The following AK5 variants were observed in gnomAD, a reference collection of about 807,000 sequenced individuals.
The protein encoded by AK5 is adenylate kinase 5.
Under a neutral mutation model 69.5 loss-of-function variants are expected in AK5, and 27 were observed. The ratio of observed to expected loss-of-function variants is 0.39; its 90% CI spans 0.29 to 0.54. The LOEUF (loss-of-function observed/expected upper bound fraction) is 0.54, where lower values mean the gene tolerates loss of function less well. Ranked by LOEUF, AK5 falls within the 20% of genes least tolerant of loss-of-function variation. The probability of loss-of-function intolerance (pLI) is 0.71; values close to 1 mark genes in which losing one functional copy is unlikely to be tolerated. For synonymous variants in AK5, 260 were observed against 244.4 expected, an observed-to-expected ratio of 1.06 and a Z score of -0.60; for missense variants, 531 against 700.4, an observed-to-expected ratio of 0.76 and a Z score of 2.73.
intron 6 of AK5, among the ~76,000 whole-genome samples, chr1:77,395,869 T>C (rs1648798280): frequency 1.3e-5 from 2 of 152,182 alleles, no homozygotes; most frequent in Admixed American, 6.5e-5. Context: ...AAGATTCTTA[T>C]CTATATCCCC....
chr1:77,549,330 T>A (rs899861879), intron 13 of AK5, among the ~76,000 whole-genome samples: 4 of 152,160 alleles, frequency 2.6e-5, no homozygotes, highest in African/African-American at 7.2e-5. Flanking sequence ...GGGTACATAT[T>A]GGGTGTATAT....
intron 10 of AK5, among the ~76,000 whole-genome samples, chr1:77,486,554 CG>C (rs748520749): frequency 5.5e-4 from 84 of 151,948 alleles, no homozygotes; most frequent in Non-Finnish European, 8.4e-4. Context: ...AAAAATTAGC[CG>C]GGCATGGTGG....
chr1:77,475,397 T>G (rs1345676003), intron 8 of AK5, among the ~76,000 whole-genome samples: 241 of 9,320 alleles, frequency 0.026, 3 homozygotes, highest in Non-Finnish European at 0.052. Flanking sequence ...TGTATATATA[T>G]AATATATATG....
intron 13 of AK5, among the ~76,000 whole-genome samples, chr1:77,545,239 C>T (rs1394220449): frequency 2.0e-5 from 3 of 151,932 alleles, no homozygotes; most frequent in African/African-American, 7.3e-5. Flanking sequence ...TCCTTCTGTT[C>T]TCTTTCTCTC....
intron 8 of AK5, among the ~76,000 whole-genome samples, chr1:77,440,640 G>A (rs1652265594): frequency 6.6e-6 from 1 of 151,916 alleles, no homozygotes; most frequent in African/African-American, 2.4e-5. Flanking sequence ...ACTTAATGGT[G>A]TCCCATAAGT....
rs182746206 is a variant in AK5 at position 77,410,292 on chromosome 1, T to G, written c.892-689T>G. 4.7e-4 allele frequency among the ~76,000 whole-genome samples: 71 copies of G among 152,070 alleles called. No homozygotes were observed. The East Asian group carries it at 5.8e-3, about 12-fold the overall frequency. On this transcript the variant is annotated intron_variant, in intron 6 of 13. Coordinates refer to ENST00000354567, the MANE Select transcript of AK5 (RefSeq NM_174858.3). ...AGGTTTTGTTGTTGTTGTTGTTGTT[T>G]TTGGAGACAGAGTCTCAGTCTGTCC...
chr1:77,422,249 G>A (rs1650865023), intron 8 of AK5, among the ~76,000 whole-genome samples: 1 of 151,928 alleles, frequency 6.6e-6, no homozygotes, highest in South Asian at 2.1e-4. Context: ...TTCCTCCCTG[G>A]GACCATAGGG....
At chr1:77,319,505 A>G (rs926858833) in intron 5 of AK5, among the ~76,000 whole-genome samples, 2 of 152,156 alleles carry the variant, frequency 1.3e-5, no homozygotes, top group African/African-American at 4.8e-5. Context: ...CTGTGTCTTC[A>G]TTCTTTTATG....
At chr1:77,479,618 T>C (rs1655140787) in intron 8 of AK5, among the ~76,000 whole-genome samples, 1 of 152,138 alleles carries the variant, frequency 6.6e-6, no homozygotes, top group Non-Finnish European at 1.5e-5. Context: ...GTCTTAAAGG[T>C]CACTTAAATC....
intron 1 of AK5, among the ~76,000 whole-genome samples, chr1:77,286,181 A>G (rs1275152738): frequency 6.6e-6 from 1 of 152,070 alleles, no homozygotes; most frequent in Non-Finnish European, 1.5e-5. Flanking sequence ...CTGTACAAAT[A>G]TGAAATTATT....
chr1:77,521,962 C>A lies in AK5; in HGVS notation c.1428+19C>A. On this transcript the variant is annotated intron_variant, in intron 12 of 13. Transcript: ENST00000354567. The stretch of plus-strand genomic sequence containing the variant: ...ACGCAGGGTGAGTGGTTGTTACGGG[C>A]ATCCTTCCAGAAGAAAAATAGGGGA... 1.9e-6 allele frequency: 3 copies of A among 1,550,038 alleles called. No individual in the cohort carries two copies. Among genetic ancestry groups the A allele is most frequent in the Non-Finnish European group, 1.7e-6 (2 of 1,144,590 alleles).
At chr1:77,510,538 G>A (rs927749308) in intron 10 of AK5, among the ~76,000 whole-genome samples, 2 of 150,832 alleles carry the variant, frequency 1.3e-5, no homozygotes, top group African/African-American at 5.0e-5. Context: ...AAGAAAGAAA[G>A]AAAAAGAATA....
At chr1:77,558,416 A>G (rs547594047) in intron 13 of AK5, among the ~76,000 whole-genome samples, 186 bp from the exon 14 acceptor site, 62 of 138,500 alleles carry the variant, frequency 4.5e-4, no homozygotes, top group African/African-American at 1.6e-3. Flanking sequence ...GTGGTACTTC[A>G]TTGTTTTTTT....
intron 8 of AK5, among the ~76,000 whole-genome samples, chr1:77,447,275 T>C (rs1652808789): frequency 6.6e-6 from 1 of 152,212 alleles, no homozygotes; most frequent in African/African-American, 2.4e-5. Flanking sequence ...GACTAAAAAG[T>C]CAGAAATGTC....
At chr1:77,499,815 T>C (rs547918673) in intron 10 of AK5, among the ~76,000 whole-genome samples, 3 of 150,154 alleles carry the variant, frequency 2.0e-5, no homozygotes, top group African/African-American at 7.3e-5. Flanking sequence ...AGCCAGTTGA[T>C]TGGAAGGTGA....
At chr1:77,506,216 TTTGG>T (rs60715102) in intron 10 of AK5, among the ~76,000 whole-genome samples, 2,753 of 149,068 alleles carry the variant, frequency 0.018, 64 homozygotes, top group African/African-American at 0.046. Flanking sequence ...AGGATCGGTG[TTTGG>T]TTGGTTGGTT....
chr1:77,293,559 C>A, intron 2 of AK5: 1 of 354,742 alleles, frequency 2.8e-6, no homozygotes, highest in Non-Finnish European at 5.0e-6. Flanking sequence ...TGTTTATGAC[C>A]ACTTTCATAC....
At chr1:77,313,520 T>G (rs548236691) in intron 5 of AK5, among the ~76,000 whole-genome samples, 3 of 152,244 alleles carry the variant, frequency 2.0e-5, no homozygotes, top group South Asian at 2.1e-4. Context: ...CCTACATGTG[T>G]GTAGTGTCTG....
intron 10 of AK5, among the ~76,000 whole-genome samples, chr1:77,504,862 A>C (rs975938937): frequency 6.6e-6 from 1 of 152,154 alleles, no homozygotes; most frequent in Non-Finnish European, 1.5e-5. Context: ...ACTGCATCCT[A>C]TTCCTTTATT....
Sources: gnomAD v4.1 joint callset for allele counts (sites outside exome capture counted in the v4.1 genomes callset) on GRCh38, gnomAD v4.1.1 for gene constraint, MANE v1.5 for transcripts, NCBI Gene and HGNC (gene_info 2026-07-23, HGNC 2026-07-21) for gene names.